ABCB1: variants seen among roughly 807,000 people sequenced by gnomAD.
ABCB1 encodes the protein ATP-dependent translocase ABCB1.
Under a neutral mutation model 142.0 loss-of-function variants are expected in ABCB1, and 69 were observed. That is an observed-to-expected ratio of 0.49 (90% CI 0.40 to 0.59). The LOEUF (loss-of-function observed/expected upper bound fraction) is 0.59, where lower values mean the gene tolerates loss of function less well. ABCB1 is among the 20% of genes least tolerant of loss of function. The probability of loss-of-function intolerance (pLI) is 0.00; values close to 1 mark genes in which losing one functional copy is unlikely to be tolerated. For synonymous variants in ABCB1, 532 were observed against 539.2 expected (o/e 0.99, Z 0.18); for missense variants, 1,326 against 1,554.7 (o/e 0.85, Z 2.47).
intron 1 of ABCB1, chr7:87,628,580 C>CGT (rs1430415147): frequency 1.7e-4 from 51 of 292,834 alleles, no homozygotes; most frequent in Non-Finnish European, 2.5e-4. Flanking sequence ...GTGGTGCGTG[C>CGT]GTGCGTGTGT....
chr7:87,524,641 C>T (rs920161610), intron 21 of ABCB1, among the ~76,000 whole-genome samples: 3 of 151,762 alleles, frequency 2.0e-5, no homozygotes, highest in African/African-American at 4.8e-5. Flanking sequence ...TGTTAAATGA[C>T]GAGTTGGTGG....
intron 9 of ABCB1, among the ~76,000 whole-genome samples, chr7:87,552,171 G>GA (rs1817101774): frequency 6.6e-6 from 1 of 151,990 alleles, no homozygotes. Flanking sequence ...TAGGCCTTTT[G>GA]TTTTTTTGTT....
chr7:87,642,747 A>G (rs1186213067), intron 1 of ABCB1, among the ~76,000 whole-genome samples: 1 of 151,902 alleles, frequency 6.6e-6, no homozygotes, highest in African/African-American at 2.4e-5. Flanking sequence ...GTTATTTTTT[A>G]TGTTTGGCAA....
chr7:87,542,502 G>A (rs1584863063), intron 17 of ABCB1, among the ~76,000 whole-genome samples: 1 of 152,190 alleles, frequency 6.6e-6, no homozygotes, highest in Non-Finnish European at 1.5e-5. Context: ...TCTTCAATGA[G>A]GCAGATGTCT....
intron 1 of ABCB1, among the ~76,000 whole-genome samples, chr7:87,627,139 A>G (rs777372964): frequency 7.2e-5 from 11 of 152,186 alleles, no homozygotes; most frequent in Non-Finnish European, 1.2e-4. Flanking sequence ...GAAAAGGATG[A>G]TTTTTTGACT....
At chr7:87,646,747 G>T (rs1333580229) in intron 1 of ABCB1, among the ~76,000 whole-genome samples, 1 of 142,674 alleles carries the variant, frequency 7.0e-6, no homozygotes. Context: ...CCAGGGATTG[G>T]CAGCATTATT....
intron 4 of ABCB1, among the ~76,000 whole-genome samples, chr7:87,571,213 G>A (rs6969155): frequency 0.39 from 59,921 of 152,014 alleles, 12,615 homozygotes; most frequent in East Asian, 0.64. Flanking sequence ...AAAAGTCAAC[G>A]GCAAGTTTGA....
At chr7:87,576,307 A>G (rs1032792852) in intron 4 of ABCB1, among the ~76,000 whole-genome samples, 1 of 151,504 alleles carries the variant, frequency 6.6e-6, no homozygotes, top group Non-Finnish European at 1.5e-5. Flanking sequence ...GTTTATCTTT[A>G]TATATCCAGT....
At chr7:87,682,376 A>G (rs1378346042) in intron 1 of ABCB1, among the ~76,000 whole-genome samples, 2 of 152,200 alleles carry the variant, frequency 1.3e-5, no homozygotes, top group Non-Finnish European at 2.9e-5. Flanking sequence ...AATCTTTTCC[A>G]GAAGATTTTC....
intron 1 of ABCB1, among the ~76,000 whole-genome samples, chr7:87,670,634 T>G (rs765125239): frequency 1.3e-5 from 2 of 152,234 alleles, no homozygotes; most frequent in Non-Finnish European, 2.9e-5. Flanking sequence ...GTAGATTAAG[T>G]ATAGTCAACA....
At chr7:87,526,878 T>C (rs560585334) in intron 21 of ABCB1, among the ~76,000 whole-genome samples, 1 of 152,218 alleles carries the variant, frequency 6.6e-6, no homozygotes, top group Non-Finnish European at 1.5e-5. Flanking sequence ...AGATATGGAC[T>C]CATCCTAAAC....
chr7:87,504,372 C>A lies in ABCB1; in HGVS notation c.3714G>T (p.Gln1238His), dbSNP rs755563103. Residue 1238 changes from glutamine to histidine, a missense_variant, in exon 28 of 28, where the codon CAG becomes CAT. Transcript: ENST00000622132. ...GAAACACCACTATTAAGTCTGCATTCTGGATGGTGGACAGGCGGTGAGCAA... is the reference window on the plus strand; with the variant it reads ...GAAACACCACTATTAAGTCTGCATTATGGATGGTGGACAGGCGGTGAGCAA... Reference protein sequence around the residue: ...IVIAHRLSTIQNADLIVVFQN... With the variant: ...IVIAHRLSTIHNADLIVVFQN... 6.2e-7 allele frequency: 1 copy of A among 1,614,138 alleles called. No individual in the cohort carries two copies. The highest frequency in any genetic ancestry group is 1.7e-5 in the Admixed American group (1 of 60,032).
intron 1 of ABCB1, among the ~76,000 whole-genome samples, chr7:87,703,487 A>G (rs922863090): frequency 2.6e-5 from 4 of 152,272 alleles, no homozygotes; most frequent in African/African-American, 9.6e-5. Flanking sequence ...GACTATAACT[A>G]TAAAGTTCAC....
intron 1 of ABCB1, among the ~76,000 whole-genome samples, chr7:87,673,576 C>G (rs1826039880): frequency 6.6e-6 from 1 of 152,202 alleles, no homozygotes; most frequent in African/African-American, 2.4e-5. Flanking sequence ...TTGCTTCTTT[C>G]TTAAAATGGC....
At chr7:87,688,207 C>G (rs989057749) in intron 1 of ABCB1, among the ~76,000 whole-genome samples, 4 of 152,064 alleles carry the variant, frequency 2.6e-5, no homozygotes, top group African/African-American at 9.6e-5. Flanking sequence ...ATGTAATTCT[C>G]GAAGCATCCG....
intron 1 of ABCB1, among the ~76,000 whole-genome samples, chr7:87,706,776 A>C (rs1829630629): frequency 6.6e-6 from 1 of 152,148 alleles, no homozygotes; most frequent in Non-Finnish European, 1.5e-5. Flanking sequence ...CAACAGACAA[A>C]TGTGCCTGGA....
rs17149854 is a variant in ABCB1, at chr7:87,691,803, G to A, written c.-331+21358C>T. Reference sequence around the variant, plus strand: ...ACAACTGACTAATTATCCTCCATCAGTCAGGTCCTGCCTATCTCCTAAGGA... The same window carrying A: ...ACAACTGACTAATTATCCTCCATCAATCAGGTCCTGCCTATCTCCTAAGGA... On this transcript the variant is annotated intron_variant, in intron 1 of 28. Coordinates refer to the ABCB1 transcript ENST00000265724. 2.8e-3 allele frequency among the ~76,000 whole-genome samples: 432 copies of A among 152,262 alleles called. 6 individuals are homozygous for A. In the East Asian group the frequency reaches 0.05, roughly 17 times the overall value.
chr7:87,567,839 A>G (rs920083461), intron 5 of ABCB1, among the ~76,000 whole-genome samples: 5 of 152,156 alleles, frequency 3.3e-5, no homozygotes, highest in Non-Finnish European at 5.9e-5. Flanking sequence ...TCACGCCTAT[A>G]ATCCCAGCAC....
At chr7:87,555,700 A>G (rs1400674334) in intron 8 of ABCB1, among the ~76,000 whole-genome samples, 7 of 152,122 alleles carry the variant, frequency 4.6e-5, no homozygotes. Flanking sequence ...ATTTTTGAGA[A>G]ACGTTTCAAT....
Sources: gnomAD v4.1 joint callset for allele counts (sites outside exome capture counted in the v4.1 genomes callset) on GRCh38, gnomAD v4.1.1 for gene constraint, MANE v1.5 for transcripts, NCBI Gene and HGNC (gene_info 2026-07-23, HGNC 2026-07-21) for gene names.